Variants in DOP1B observed in about 807,000 individuals in gnomAD.
DOP1B encodes DOP1 leucine zipper like protein B.
In DOP1B, 174 loss-of-function variants were observed where a neutral mutation model predicts 233.5. That is an observed-to-expected ratio of 0.75 (90% CI 0.66 to 0.85). The LOEUF (loss-of-function observed/expected upper bound fraction) is 0.85. DOP1B is among the 40% of genes least tolerant of loss of function. DOP1B has a pLI of 0.00. For synonymous variants in DOP1B, 1,190 were observed against 1,185.6 expected (o/e 1.00, Z -0.08); for missense variants, 2,652 against 2,846.6 (o/e 0.93, Z 1.56).
chr21:36,286,585 G>A (rs1470948184), intron 32 of DOP1B, among the ~76,000 whole-genome samples: 2 of 151,444 alleles, frequency 1.3e-5, no homozygotes, highest in African/African-American at 4.9e-5. Context: ...GCAGTGAGCC[G>A]AGATCGCACC....
intron 11 of DOP1B, among the ~76,000 whole-genome samples, chr21:36,225,261 G>T (rs1418456528): frequency 6.7e-6 from 1 of 150,334 alleles, no homozygotes; most frequent in Admixed American, 6.6e-5. Context: ...ACAGAGTCTT[G>T]CTCTGTCACC....
At chr21:36,280,900 G>A (rs2067407999) in intron 31 of DOP1B, among the ~76,000 whole-genome samples, 1 of 152,010 alleles carries the variant, frequency 6.6e-6, no homozygotes, top group Non-Finnish European at 1.5e-5. Flanking sequence ...TACTCGGGAG[G>A]CTGAGGCAGG....
intron 27 of DOP1B, among the ~76,000 whole-genome samples, 178 bp from the exon 28 acceptor site, chr21:36,276,840 CAAA>C (rs57389991): frequency 0.42 from 44,611 of 105,734 alleles, 6,380 homozygotes; most frequent in Middle Eastern, 0.48. Flanking sequence ...GACTCCATCT[CAAA>C]AAAAAAAAAA....
intron 30 of DOP1B, 59 bp downstream of exon 30, chr21:36,278,414 TGGTTTACAGAATTC>T: frequency 1.9e-6 from 3 of 1,540,672 alleles, no homozygotes; most frequent in Non-Finnish European, 2.6e-6. Flanking sequence ...AATGGCATTT[TGGTTTACAGAATTC>T]TCATTCCTGA....
chr21:36,189,571 G>T (rs902485635), intron 2 of DOP1B, among the ~76,000 whole-genome samples: 3 of 151,806 alleles, frequency 2.0e-5, no homozygotes, highest in East Asian at 3.9e-4. Flanking sequence ...GTAGCTGGGC[G>T]TGCTGGTGCA....
chr21:36,210,415 C>T (rs563263157), intron 5 of DOP1B, among the ~76,000 whole-genome samples: 1 of 152,120 alleles, frequency 6.6e-6, no homozygotes, highest in South Asian at 2.1e-4. Context: ...GAGGCCGAGG[C>T]GGGTGGATTA....
At chr21:36,257,484 T>G (rs75860246) in intron 23 of DOP1B, among the ~76,000 whole-genome samples, 2 of 152,210 alleles carry the variant, frequency 1.3e-5, no homozygotes, top group Non-Finnish European at 2.9e-5. Flanking sequence ...GAGGGTCTTA[T>G]GAACCGTAGT....
chr21:36,194,020 T>G (rs1188785997), intron 2 of DOP1B, among the ~76,000 whole-genome samples: 1 of 152,224 alleles, frequency 6.6e-6, no homozygotes, highest in African/African-American at 2.4e-5. Flanking sequence ...CAGATGAAAC[T>G]TCAGCCCAGA....
At chr21:36,221,573 TTTTG>T (rs1472533153) in intron 10 of DOP1B, among the ~76,000 whole-genome samples, 4 of 152,008 alleles carry the variant, frequency 2.6e-5, no homozygotes, top group African/African-American at 7.2e-5. Context: ...GCTTTTTCAG[TTTTG>T]TTTGTTTGTT....
intron 9 of DOP1B, 85 bp downstream of exon 9, chr21:36,214,641 A>G: frequency 8.7e-7 from 1 of 1,151,648 alleles, no homozygotes; most frequent in Non-Finnish European, 1.2e-6. Context: ...GATACAACCA[A>G]AGCGTTATTT....
At chr21:36,211,414 C>T (rs1218966148) in intron 5 of DOP1B, 139 bp from the exon 6 acceptor site, 2 of 720,944 alleles carry the variant, frequency 2.8e-6, no homozygotes, top group African/African-American at 3.6e-5. Flanking sequence ...CTAGAACCCA[C>T]ACCCTCCTGA....
chr21:36,269,388 C>G (rs1601467408), intron 26 of DOP1B, among the ~76,000 whole-genome samples: 2 of 152,178 alleles, frequency 1.3e-5, no homozygotes, highest in Middle Eastern at 3.4e-3. Flanking sequence ...CGCCTGACCT[C>G]AGGTGATCCG....
rs1338192690 is a variant in DOP1B at position 36,211,959 on chromosome 21, C to T, written c.781-15C>T. 1.9e-6 allele frequency: 3 copies of T among 1,613,784 alleles called. No homozygotes were observed. The highest frequency in any genetic ancestry group is 8.5e-7 in the Non-Finnish European group (1 of 1,179,926). ...TATCATTCCCTTGCAGTAAATTTCT[C>T]TGTCCTTCTAATAGGATTCCAATGA... On this transcript the variant is annotated splice_polypyrimidine_tract_variant and intron_variant, in intron 6 of 36. Coordinates refer to ENST00000691173, the MANE Select transcript of DOP1B (RefSeq NM_001320714.2).
At position 36,220,855 on chromosome 21, in the gene DOP1B, G is replaced by A. The variant is rs187767302; in HGVS notation, c.1250+1363G>A. ...TGACAAGGTCTCACTCTGTCTCCCA[G>A]GCTAGAGCACAGTGGCACCATCAAT... On this transcript the variant is annotated intron_variant, in intron 10 of 36. Transcript: ENST00000691173. Among the ~76,000 whole-genome samples the A allele has an allele frequency of 2.9e-3, 437 of 151,956 alleles. 2 individuals are homozygous for A. Among genetic ancestry groups the A allele is most frequent in the African/African-American group, 1.0e-2 (413 of 41,416 alleles).
chr21:36,265,573 G>T (rs113577134), intron 26 of DOP1B, among the ~76,000 whole-genome samples: 4,649 of 152,202 alleles, frequency 0.031, 237 homozygotes, highest in African/African-American at 0.11. Flanking sequence ...GTGGCCTGTT[G>T]CCTGTAGCAG....
intron 2 of DOP1B, among the ~76,000 whole-genome samples, chr21:36,188,337 C>T (rs566383203): frequency 1.1e-4 from 16 of 152,312 alleles, no homozygotes; most frequent in African/African-American, 3.6e-4. Context: ...AGATGGCTCT[C>T]GGCAGCCTTG....
intron 3 of DOP1B, among the ~76,000 whole-genome samples, chr21:36,199,944 A>G (rs903651884): frequency 1.3e-5 from 2 of 152,188 alleles, no homozygotes; most frequent in African/African-American, 4.8e-5. Context: ...TCCTTTGGGT[A>G]TATACCCAGT....
chr21:36,287,833 C>T (rs2067504909), intron 32 of DOP1B, among the ~76,000 whole-genome samples, 181 bp from the exon 33 acceptor site: 6 of 152,040 alleles, frequency 3.9e-5, no homozygotes, highest in Non-Finnish European at 5.9e-5. Flanking sequence ...TATCCGCCCG[C>T]CTCGGCCTCC....
At position 36,219,493 on chromosome 21, in the gene DOP1B, G is replaced by A. The variant is rs377185986; in HGVS notation, c.1250+1G>A. ...CCCAGAGTGGAAATTCGCTGATAAG[G>A]TATGGGTTTGGCCTTGAACCTCACG... On this transcript the variant is annotated splice_donor_variant, in intron 10 of 36. Coordinates refer to ENST00000691173, the MANE Select transcript of DOP1B (RefSeq NM_001320714.2). LOFTEE classifies it high-confidence loss of function. The A allele has an allele frequency of 2.5e-6, 4 of 1,613,902 alleles. No individual in the cohort carries two copies. The African/African-American group carries it at 5.3e-5, about 22-fold the overall frequency.
Sources: allele counts gnomAD v4.1 joint callset (sites outside exome capture counted in the v4.1 genomes callset), GRCh38; gene constraint gnomAD v4.1.1; transcripts MANE v1.5; gene names NCBI Gene and HGNC (gene_info 2026-07-23, HGNC 2026-07-21).